Variants in BNIP5 observed in about 807,000 individuals in gnomAD.
BNIP5 encodes protein BNIP5.
A neutral mutation model predicts 67.3 loss-of-function variants in BNIP5; 61 were observed. That is an observed-to-expected ratio of 0.91 (90% CI 0.74 to 1.12). The LOEUF is 1.12. BNIP5 is among the 50% of genes most tolerant of loss of function. BNIP5 has a pLI of 0.00. For synonymous variants in BNIP5, 317 were observed against 319.0 expected, an observed-to-expected ratio of 0.99 and a Z score of 0.07; for missense variants, 826 against 816.3, an observed-to-expected ratio of 1.01 and a Z score of -0.14.
At chr6:36,319,250 C>G in intron 11 of BNIP5, 106 bp downstream of exon 11, 2 of 1,393,972 alleles carry the variant, frequency 1.4e-6, no homozygotes, top group Non-Finnish European at 2.0e-6. Flanking sequence ...AAATTCTGAA[C>G]TGAGCAGGGG....
chr6:36,317,605 A>G (rs1434016572), intron 11 of BNIP5, among the ~76,000 whole-genome samples: 2 of 151,664 alleles, frequency 1.3e-5, no homozygotes, highest in Non-Finnish European at 2.9e-5. Context: ...CAGCAACTCC[A>G]CCTCCTGGAA....
At position 36,330,263 on chromosome 6, in the gene BNIP5, G is replaced by C. The variant is rs368011554; in HGVS notation, c.428C>G (p.Ala143Gly). 1 of 1,614,186 alleles carries C rather than the reference G, an allele frequency of 6.2e-7. No homozygotes were observed. Among genetic ancestry groups the C allele is most frequent in the Admixed American group, 1.7e-5 (1 of 60,022 alleles). Residue 143 changes from alanine to glycine, a missense_variant, in exon 2 of 12, where the codon GCC becomes GGC. By Grantham distance (60) the Ala-to-Gly change is moderately conservative. Coordinates refer to ENST00000437635, the MANE Select transcript of BNIP5 (RefSeq NM_001010903.5). The part of the protein sequence containing the change: ...PEPLEAAGEP[A>G]LRKKAHHDKK... The stretch of plus-strand genomic sequence containing the variant: ...GTCGTGGTGGGCTTTCTTCCTGAGG[G>C]CTGGCTCCCCTGCTGCTTCCAGGGG...
At chr6:36,319,866 A>G (rs922158999) in intron 10 of BNIP5, among the ~76,000 whole-genome samples, 4 of 152,214 alleles carry the variant, frequency 2.6e-5, no homozygotes, top group African/African-American at 7.2e-5. Flanking sequence ...CAAACACCCC[A>G]CAGAGTCTTC....
Position 36,317,253 on chromosome 6 carries a change from G to T in BNIP5, c.*103C>A. The T allele has an allele frequency of 1.1e-6, 1 of 904,362 alleles. No homozygotes were observed. The allele number at this position is 904,362 out of a possible 1,614,324, so 56.0% of individuals were successfully genotyped here. Reference sequence around the variant, plus strand: ...TCTGCTCTTGTCTTCCATCACGTTTGTGAAGCAGGGATTGGGACATCACAG... The same window carrying T: ...TCTGCTCTTGTCTTCCATCACGTTTTTGAAGCAGGGATTGGGACATCACAG... On this transcript the variant is annotated 3_prime_UTR_variant, in exon 12 of 12. Coordinates refer to ENST00000437635, the MANE Select transcript of BNIP5 (RefSeq NM_001010903.5).
At chr6:36,334,621 G>A (rs192818282) in intron 1 of BNIP5, among the ~76,000 whole-genome samples, 15 of 152,152 alleles carry the variant, frequency 9.9e-5, no homozygotes, top group Admixed American at 5.2e-4. Context: ...ACACCCACAC[G>A]CCCCCAGGAA....
chr6:36,331,950 G>A (rs1771916824), intron 1 of BNIP5, among the ~76,000 whole-genome samples: 1 of 152,108 alleles, frequency 6.6e-6, no homozygotes, highest in African/African-American at 2.4e-5. Flanking sequence ...ACTCACCTGA[G>A]CTGTTACCAC....
At chr6:36,317,489 A>C (rs1582118930) in intron 11 of BNIP5, 98 bp from the exon 12 acceptor site, 7 of 1,021,076 alleles carry the variant, frequency 6.9e-6, no homozygotes, top group Non-Finnish European at 1.6e-6. Flanking sequence ...TTGACACCCC[A>C]CCCCAGCCTC....
At chr6:36,326,306 G>C (rs1472817034) in intron 5 of BNIP5, among the ~76,000 whole-genome samples, 1 of 152,220 alleles carries the variant, frequency 6.6e-6, no homozygotes, top group Non-Finnish European at 1.5e-5. Flanking sequence ...GGGTTGCCTA[G>C]AGCTCGCTGA....
chr6:36,321,139 GCTGAGTGGTACTCAC>G lies in BNIP5; in HGVS notation c.1668+1_1668+15del. The G allele has an allele frequency of 1.3e-6, 2 of 1,566,988 alleles. No homozygotes were observed. Among genetic ancestry groups the G allele is most frequent in the Non-Finnish European group, 1.7e-6 (2 of 1,153,292 alleles). On this transcript the variant is annotated splice_donor_variant and splice_donor_5th_base_variant and intron_variant, in intron 10 of 11. Coordinates refer to ENST00000437635, the MANE Select transcript of BNIP5 (RefSeq NM_001010903.5). LOFTEE classifies it high-confidence loss of function. ...AGGCCCTGGGGTTGGCCTGGGGAGG[GCTGAGTGGTACTCAC>G]CTGCTGCCCCAGTTGGCCATCCACT...
rs1351385257 is a variant in BNIP5, at chr6:36,325,385, G to C, written c.1066C>G (p.Pro356Ala). ...CCTGGAGCCCCAGCCTCTGTAGATG[G>C]GGCCTCCTGGACTTTAGGTTCTTCC... is the stretch of plus-strand genomic sequence containing the variant. ...GLEEPKVQEAPSTEAGAPGPS... is the reference protein window; with the variant it reads ...GLEEPKVQEAASTEAGAPGPS... The change falls in exon 6 of 12, where the codon CCA (proline) becomes GCA (alanine). Residue 356 changes from proline to alanine, a missense_variant. Physicochemically the swap from Pro to Ala is conservative, Grantham distance 27 (BLOSUM62 -1). Coordinates refer to ENST00000437635, the MANE Select transcript of BNIP5 (RefSeq NM_001010903.5). 6.2e-7 allele frequency: 1 copy of C among 1,613,796 alleles called. No homozygotes were observed. The highest frequency in any genetic ancestry group is 8.5e-7 in the Non-Finnish European group (1 of 1,179,888).
chr6:36,323,838 G>C (rs1771692598), intron 7 of BNIP5, among the ~76,000 whole-genome samples: 1 of 151,830 alleles, frequency 6.6e-6, no homozygotes, highest in Admixed American at 6.6e-5. Flanking sequence ...TGTCTCTACT[G>C]AAAATACAAA....
chr6:36,326,507 C>T lies in BNIP5; in HGVS notation c.1036+3G>A, dbSNP rs1771763317. 1.2e-6 allele frequency: 2 copies of T among 1,614,072 alleles called. No homozygotes were observed. The highest frequency in any genetic ancestry group is 2.2e-5 in the East Asian group (1 of 44,890). Reference sequence around the variant, plus strand: ...TGCTATGGCAACTGCAGAGCCTGCTCACCATAGCTGCTGGAGATGGAAGGC... The same window carrying T: ...TGCTATGGCAACTGCAGAGCCTGCTTACCATAGCTGCTGGAGATGGAAGGC... On this transcript the variant is annotated splice_donor_region_variant and intron_variant, in intron 5 of 11. Coordinates refer to ENST00000437635, the MANE Select transcript of BNIP5 (RefSeq NM_001010903.5).
At chr6:36,329,578 C>G (rs1255887901) in intron 2 of BNIP5, among the ~76,000 whole-genome samples, 1 of 152,050 alleles carries the variant, frequency 6.6e-6, no homozygotes, top group Non-Finnish European at 1.5e-5. Context: ...TAGGGGGCCA[C>G]AGCCCGTGGA....
chr6:36,320,795 C>T (rs771850320), intron 10 of BNIP5, among the ~76,000 whole-genome samples: 3 of 152,082 alleles, frequency 2.0e-5, no homozygotes, highest in Admixed American at 6.5e-5. Context: ...TGGAATCAGC[C>T]GGGCGGGTGG....
Position 36,324,571 on chromosome 6 carries a change from GATATTATATATATATATATATATATATAT to G in BNIP5, c.1169-410_1169-382del, listed in dbSNP as rs1204563692. On this transcript the variant is annotated intron_variant, in intron 6 of 11. Transcript: ENST00000437635. ...TCCAGGTCTTTTCAGACCTGACGGT[GATATTATATATATATATATATATATATAT>G]ATATATATATATATATATATATATA... is the stretch of plus-strand genomic sequence containing the variant. Among the ~76,000 whole-genome samples the G allele has an allele frequency of 7.9e-4, 59 of 74,242 alleles. 2 individuals carry two copies. The highest frequency in any genetic ancestry group is 8.8e-4 in the Non-Finnish European group (37 of 41,910). The allele number at this position is 74,242 out of a possible 152,430, so 48.7% of individuals were successfully genotyped here.
At chr6:36,329,182 G>C (rs1672253312) in intron 2 of BNIP5, among the ~76,000 whole-genome samples, 1 of 152,212 alleles carries the variant, frequency 6.6e-6, no homozygotes, top group Non-Finnish European at 1.5e-5. Context: ...CTAGAACCAA[G>C]GCCTGGAAGC....
At position 36,332,097 on chromosome 6, in the gene BNIP5, C is replaced by T. The variant is rs897866272; in HGVS notation, c.-4-1403G>A. Among the ~76,000 whole-genome samples, 7 of 152,272 alleles carry T rather than the reference C, an allele frequency of 4.6e-5. No individual in the cohort carries two copies. The East Asian group carries it at 5.8e-4, about 13-fold the overall frequency. ...CCCCTTTCACTCAAAGTCTTTAAAG[C>T]GGCTGTCACACCCCACACGTCCCAG... On this transcript the variant is annotated intron_variant, in intron 1 of 11. Coordinates refer to ENST00000437635, the MANE Select transcript of BNIP5 (RefSeq NM_001010903.5).
Position 36,325,358 on chromosome 6 carries a change from G to A in BNIP5, c.1093C>T (p.Pro365Ser). ...TCTGATGGGGTGGGAAGCACGGAGG[G>A]ACCTGGAGCCCCAGCCTCTGTAGAT... is the stretch of plus-strand genomic sequence containing the variant. ...APSTEAGAPGPSVLPTPSESQ... is the reference protein window; with the variant it reads ...APSTEAGAPGSSVLPTPSESQ... The change falls in exon 6 of 12, where the codon CCC (proline) becomes TCC (serine). Residue 365 changes from proline to serine, a missense_variant. Physicochemically the swap from Pro to Ser is moderately conservative, Grantham distance 74. Transcript: ENST00000437635. The A allele has an allele frequency of 2.5e-6, 4 of 1,614,128 alleles. No individual in the cohort carries two copies. The highest frequency in any genetic ancestry group is 2.2e-5 in the East Asian group (1 of 44,884).
intron 8 of BNIP5, 150 bp downstream of exon 8, chr6:36,323,143 C>T (rs1305714807): frequency 1.8e-6 from 2 of 1,141,746 alleles, no homozygotes; most frequent in East Asian, 2.5e-5. Flanking sequence ...TCCACACCCC[C>T]CACTCTACTC....
Sources: gnomAD v4.1 joint callset for allele counts (sites outside exome capture counted in the v4.1 genomes callset) on GRCh38, gnomAD v4.1.1 for gene constraint, MANE v1.5 for transcripts, NCBI Gene and HGNC (gene_info 2026-07-23, HGNC 2026-07-21) for gene names.